The following SPOCK1 variants were observed in gnomAD, a reference collection of about 807,000 sequenced individuals.
The protein encoded by SPOCK1 is SPARC (osteonectin), cwcv and kazal like domains proteoglycan 1.
In SPOCK1, 23 loss-of-function variants were observed where a neutral mutation model predicts 55.3. That is an observed-to-expected ratio of 0.42 (90% CI 0.30 to 0.59). The LOEUF is 0.59. SPOCK1 is among the 20% of genes least tolerant of loss of function. The pLI is 0.22. For missense variants in SPOCK1, 499 were observed against 552.5 expected, an observed-to-expected ratio of 0.90 and a Z score of 0.97; for synonymous variants, 226 against 221.0, an observed-to-expected ratio of 1.02 and a Z score of -0.20.
Position 136,978,592 on chromosome 5 carries a change from A to G in SPOCK1, c.*62T>C. 1 of 1,530,056 alleles carries G rather than the reference A, an allele frequency of 6.5e-7. No individual in the cohort carries two copies. Among genetic ancestry groups the G allele is most frequent in the Non-Finnish European group, 8.8e-7 (1 of 1,136,242 alleles). The allele number at this position is 1,530,056 out of a possible 1,614,324, so 94.8% of individuals were successfully genotyped here. On this transcript the variant is annotated 3_prime_UTR_variant, in exon 11 of 11. Coordinates refer to ENST00000394945, the MANE Select transcript of SPOCK1 (RefSeq NM_004598.4). ...TGGTGCCTTGGAGTCTTAGATACAAATGCAGGAATAGGAAGTGACTTGCAA... is the reference window on the plus strand; with the variant it reads ...TGGTGCCTTGGAGTCTTAGATACAAGTGCAGGAATAGGAAGTGACTTGCAA...
intron 3 of SPOCK1, among the ~76,000 whole-genome samples, chr5:137,192,201 C>T (rs986203104): frequency 3.4e-5 from 5 of 145,426 alleles, no homozygotes; most frequent in South Asian, 4.5e-4. Context: ...CCACTGCACT[C>T]CAGCCTGGGT....
chr5:137,068,432 C>T (rs1253923544), intron 5 of SPOCK1, among the ~76,000 whole-genome samples: 2 of 152,174 alleles, frequency 1.3e-5, no homozygotes, highest in African/African-American at 2.4e-5. Context: ...CTTGTGACTC[C>T]GTGGAAATGT....
At chr5:137,074,492 A>T (rs974483069) in intron 5 of SPOCK1, among the ~76,000 whole-genome samples, 7 of 152,170 alleles carry the variant, frequency 4.6e-5, no homozygotes, top group African/African-American at 1.7e-4. Flanking sequence ...AATGTGCCAA[A>T]ATACTAACGA....
intron 2 of SPOCK1, among the ~76,000 whole-genome samples, chr5:137,297,834 C>A (rs1268975826): frequency 2.0e-5 from 3 of 152,038 alleles, no homozygotes; most frequent in Non-Finnish European, 4.4e-5. Context: ...TTAATTTTAA[C>A]AGAAGGAGGA....
At chr5:137,174,511 C>T (rs367939615) in intron 3 of SPOCK1, among the ~76,000 whole-genome samples, 123 of 152,336 alleles carry the variant, frequency 8.1e-4, no homozygotes, top group African/African-American at 2.8e-3. Flanking sequence ...ATACCATGTC[C>T]GAGCTGTCCT....
chr5:137,031,740 G>A (rs1240787495), intron 6 of SPOCK1, among the ~76,000 whole-genome samples: 2 of 151,886 alleles, frequency 1.3e-5, no homozygotes, highest in African/African-American at 4.8e-5. Flanking sequence ...CACCATCCAG[G>A]GAATTAATAC....
intron 2 of SPOCK1, among the ~76,000 whole-genome samples, chr5:137,349,823 C>T (rs1750637322): frequency 6.6e-6 from 1 of 152,132 alleles, no homozygotes. Flanking sequence ...ATAAGGACAC[C>T]AGTCGTACTG....
At chr5:137,208,793 C>T (rs1217203946) in intron 3 of SPOCK1, among the ~76,000 whole-genome samples, 3 of 152,016 alleles carry the variant, frequency 2.0e-5, no homozygotes, top group Admixed American at 6.6e-5. Context: ...TCAGGTGTAC[C>T]CCAAACCTCA....
Position 137,198,627 on chromosome 5 carries a change from G to C in SPOCK1, c.233-57933C>G, listed in dbSNP as rs138846417. On this transcript the variant is annotated intron_variant, in intron 3 of 10. Transcript: ENST00000394945. ...TTTGCTCATCTCTGTCTATTTACTAGTAAGACTTTAATACTTTTATTAATT... is the reference window on the plus strand; with the variant it reads ...TTTGCTCATCTCTGTCTATTTACTACTAAGACTTTAATACTTTTATTAATT... Among the ~76,000 whole-genome samples, 397 of 152,228 alleles carry C rather than the reference G, an allele frequency of 2.6e-3. 2 individuals are homozygous for C. The highest frequency in any genetic ancestry group is 8.0e-3 in the African/African-American group (332 of 41,544).
chr5:137,111,214 C>A (rs1753463100), intron 5 of SPOCK1, among the ~76,000 whole-genome samples: 1 of 152,022 alleles, frequency 6.6e-6, no homozygotes, highest in African/African-American at 2.4e-5. Flanking sequence ...ACAGAAGTGG[C>A]CAATTGTCTG....
intron 3 of SPOCK1, among the ~76,000 whole-genome samples, chr5:137,195,675 G>A (rs1755285974): frequency 6.6e-6 from 1 of 152,186 alleles, no homozygotes. Context: ...CTCCAGATTT[G>A]GAAACTTTAT....
chr5:137,356,509 G>A (rs1750803724), intron 2 of SPOCK1, among the ~76,000 whole-genome samples: 1 of 151,150 alleles, frequency 6.6e-6, no homozygotes, highest in Non-Finnish European at 1.5e-5. Context: ...CATTTTAGAG[G>A]CAGGGTGCGG....
intron 6 of SPOCK1, among the ~76,000 whole-genome samples, chr5:137,021,891 T>A (rs1751583566): frequency 6.6e-6 from 1 of 152,144 alleles, no homozygotes; most frequent in African/African-American, 2.4e-5. Flanking sequence ...AAGAGAAAGA[T>A]CTATGCTGAC....
At chr5:137,489,602 G>C (rs1754131417) in intron 2 of SPOCK1, among the ~76,000 whole-genome samples, 1 of 152,198 alleles carries the variant, frequency 6.6e-6, no homozygotes, top group African/African-American at 2.4e-5. Flanking sequence ...GAGAGGAAAA[G>C]AACAGGCCAT....
chr5:137,268,032 A>G (rs1333972196), intron 2 of SPOCK1, among the ~76,000 whole-genome samples: 1 of 152,250 alleles, frequency 6.6e-6, no homozygotes, highest in Non-Finnish European at 1.5e-5. Flanking sequence ...TGAAGCCTCA[A>G]TATCTCTTCT....
At chr5:137,234,378 G>C (rs1280132661) in intron 3 of SPOCK1, among the ~76,000 whole-genome samples, 1 of 152,130 alleles carries the variant, frequency 6.6e-6, no homozygotes, top group Non-Finnish European at 1.5e-5. Flanking sequence ...GTTGGGCAAG[G>C]GGAGGATGTA....
chr5:137,441,893 T>G (rs1753021843), intron 2 of SPOCK1, among the ~76,000 whole-genome samples: 1 of 152,200 alleles, frequency 6.6e-6, no homozygotes, highest in African/African-American at 2.4e-5. Context: ...ACTAGGCAGG[T>G]GCAGAACCCC....
At chr5:137,160,632 T>TATATTATATATAAC (rs1561631863) in intron 3 of SPOCK1, among the ~76,000 whole-genome samples, 2 of 98,610 alleles carry the variant, frequency 2.0e-5, no homozygotes, top group Non-Finnish European at 3.8e-5. Flanking sequence ...TTTTATATAA[T>TATATTATATATAAC]ATATAATATA....
At chr5:137,345,643 A>AAGT (rs1459613179) in intron 2 of SPOCK1, among the ~76,000 whole-genome samples, 1 of 152,166 alleles carries the variant, frequency 6.6e-6, no homozygotes, top group African/African-American at 2.4e-5. Context: ...CTTTCCCAAA[A>AAGT]TGTGGTCCCT....
Sources: allele counts gnomAD v4.1 joint callset (sites outside exome capture counted in the v4.1 genomes callset), GRCh38; gene constraint gnomAD v4.1.1; transcripts MANE v1.5; gene names NCBI Gene and HGNC (gene_info 2026-07-23, HGNC 2026-07-21).